LIPA: variants seen among roughly 807,000 people sequenced by gnomAD.
LIPA encodes the protein lysosomal acid lipase/cholesteryl ester hydrolase.
Under a neutral mutation model 40.6 loss-of-function variants are expected in LIPA, and 26 were observed. The observed-to-expected ratio is 0.64, with a 90% CI of 0.47 to 0.89. The LOEUF is 0.89. Among genes scored for constraint, LIPA ranks in the 40% least tolerant of loss-of-function variants. The pLI is 0.00. For missense variants in LIPA, 455 were observed against 479.6 expected (o/e 0.95, Z 0.48); for synonymous variants, 188 against 168.4 (o/e 1.12, Z -0.90).
intron 1 of LIPA, among the ~76,000 whole-genome samples, chr10:89,301,772 G>A (rs1157946377): frequency 3.3e-5 from 5 of 152,072 alleles, no homozygotes; most frequent in Non-Finnish European, 7.4e-5. Context: ...AATAAGAGAG[G>A]GACAGTGCAC....
intron 2 of LIPA, among the ~76,000 whole-genome samples, chr10:89,408,389 G>C (rs1481932061): frequency 6.6e-6 from 1 of 152,188 alleles, no homozygotes; most frequent in African/African-American, 2.4e-5. Flanking sequence ...ACTATGCAAA[G>C]CTTGCAATTT....
chr10:89,258,603 T>C (rs1022926528), intron 1 of LIPA, among the ~76,000 whole-genome samples: 11 of 152,126 alleles, frequency 7.2e-5, no homozygotes, highest in Non-Finnish European at 1.6e-4. Context: ...CTGCTGGAAA[T>C]GTGAAATGGT....
upstream of LIPA, chr10:89,414,676 AGAG>A (rs985522772): frequency 4.9e-5 from 58 of 1,188,386 alleles, 1 homozygote; most frequent in African/African-American, 8.7e-4. Flanking sequence ...CAGGGGCTGC[AGAG>A]GCCTGGCGCG....
chr10:89,248,471 T>A (rs1233376151), intron 1 of LIPA, among the ~76,000 whole-genome samples: 3 of 125,992 alleles, frequency 2.4e-5, no homozygotes, highest in Non-Finnish European at 4.8e-5. Context: ...TTTATTTATT[T>A]ATTTATTTAT....
chr10:89,292,374 A>G (rs1843379582), intron 1 of LIPA: 1 of 152,232 alleles, frequency 6.6e-6, no homozygotes, highest in Non-Finnish European at 1.5e-5. Flanking sequence ...CAAAGCGAAT[A>G]AAAAGAAAAA....
intron 2 of LIPA, among the ~76,000 whole-genome samples, chr10:89,369,919 G>A (rs1036229896): frequency 2.0e-5 from 3 of 152,230 alleles, no homozygotes; most frequent in Admixed American, 6.5e-5. Context: ...AATGTAGGAA[G>A]TTTCTTAATG....
intron 8 of LIPA, among the ~76,000 whole-genome samples, chr10:89,218,893 C>G (rs1842661924): frequency 2.0e-5 from 3 of 152,122 alleles, no homozygotes; most frequent in South Asian, 4.1e-4. Flanking sequence ...TTGTATCTAA[C>G]AAATATAATG....
Position 89,248,469 on chromosome 10 carries a change from T to C in LIPA, c.-1-820A>G, listed in dbSNP as rs190070810. 2.0e-3 allele frequency among the ~76,000 whole-genome samples: 231 copies of C among 117,914 alleles called. 1 individual carries two copies. The highest frequency in any genetic ancestry group is 8.8e-3 in the African/African-American group (208 of 23,584). 77.4% of individuals were successfully genotyped at this position (117,914 alleles called of 152,430 possible). On this transcript the variant is annotated intron_variant, in intron 1 of 9. Coordinates refer to ENST00000336233, the MANE Select transcript of LIPA (RefSeq NM_000235.4). ...ATTTATTTATTTATTTATTTATTTA[T>C]TTATTTATTTATTTATTTATTTTGA...
chr10:89,252,190 T>C (rs1411050324), upstream of LIPA: 3 of 152,266 alleles, frequency 2.0e-5, no homozygotes, highest in Non-Finnish European at 4.4e-5. Context: ...GGGCTCCATT[T>C]AAAGCGCTTA....
intron 1 of LIPA, chr10:89,340,921 A>T (rs535864512): frequency 6.6e-6 from 1 of 152,268 alleles, no homozygotes; most frequent in African/African-American, 2.4e-5. Context: ...ATCAATGTGT[A>T]TTCCTGATAG....
chr10:89,271,759 TGGTAAAA>T (rs1203326798), intron 1 of LIPA, among the ~76,000 whole-genome samples: 2 of 151,960 alleles, frequency 1.3e-5, no homozygotes, highest in East Asian at 3.9e-4. Context: ...ATGGAACAGG[TGGTAAAA>T]GAAGGAAGTC....
Position 89,393,716 on chromosome 10 carries a change from C to T in LIPA, c.61+19075G>A, listed in dbSNP as rs982407551. Among the ~76,000 whole-genome samples, 5 of 152,078 alleles carry T rather than the reference C, an allele frequency of 3.3e-5. No individual in the cohort carries two copies. In the South Asian group the frequency reaches 8.3e-4, roughly 25 times the overall value. ...CTGCACTCCAGCCTGGGCAACAGAG[C>T]GAGACTCCGTCTCAAAAACAAACAA... On this transcript the variant is annotated intron_variant, in intron 2 of 8. Transcript: ENST00000371837.
In LIPA at chr10:89,223,577, C is replaced by A. The variant is rs1310883161; in HGVS notation, c.822+107G>T. 4 of 966,940 alleles carry A rather than the reference C, an allele frequency of 4.1e-6. No homozygotes were observed. The Admixed American group carries it at 7.5e-5, about 18-fold the overall frequency. The allele number at this position is 966,940 out of a possible 1,614,324, so 59.9% of individuals were successfully genotyped here. A position where few individuals can be genotyped will look rare whatever the true frequency, so the allele number is the denominator to read the frequency against. The stretch of plus-strand genomic sequence containing the variant: ...GCTTGTGCCTCTCAAATGAAAGACT[C>A]TTTAGAGTTCTGATGAGGTCATTCC... On this transcript the variant is annotated intron_variant, in intron 7 of 9. Transcript: ENST00000336233.
chr10:89,268,658 T>C (rs1843249507), intron 1 of LIPA, among the ~76,000 whole-genome samples: 1 of 152,214 alleles, frequency 6.6e-6, no homozygotes, highest in African/African-American at 2.4e-5. Flanking sequence ...AATGGTTGCA[T>C]GTATTATTTT....
rs184940232 is a variant in LIPA at position 89,236,385 on chromosome 10, G to A, written c.230-7987C>T. Reference sequence around the variant, plus strand: ...TTCTCATGACACTAATCATCTCCACGTAAGCAGTTTCTCCAGTAAATTGCA... The same window carrying A: ...TTCTCATGACACTAATCATCTCCACATAAGCAGTTTCTCCAGTAAATTGCA... On this transcript the variant is annotated intron_variant, in intron 3 of 9. Transcript: ENST00000336233. 1.3e-4 allele frequency among the ~76,000 whole-genome samples: 20 copies of A among 152,160 alleles called. No individual in the cohort carries two copies. In the East Asian group the frequency reaches 3.7e-3, roughly 28 times the overall value.
At chr10:89,250,107 C>CTCTTTTTTTTT (rs1843096288) in intron 1 of LIPA, among the ~76,000 whole-genome samples, 1 of 96,076 alleles carries the variant, frequency 1.0e-5, no homozygotes, top group African/African-American at 4.6e-5. Context: ...TCTTTTCTTT[C>CTCTTTTTTTTT]TTTTTTTTTT....
At chr10:89,232,412 A>G (rs1842853039) in intron 3 of LIPA, among the ~76,000 whole-genome samples, 1 of 152,186 alleles carries the variant, frequency 6.6e-6, no homozygotes, top group East Asian at 1.9e-4. Context: ...AACAAAAACG[A>G]CTGCAATCGT....
intron 2 of LIPA, among the ~76,000 whole-genome samples, chr10:89,398,402 A>G (rs1238263996): frequency 1.3e-5 from 2 of 152,184 alleles, no homozygotes. Flanking sequence ...GCCTGCACTG[A>G]ATAAAAGTAA....
intron 2 of LIPA, among the ~76,000 whole-genome samples, chr10:89,396,373 G>A (rs756511185): frequency 1.3e-5 from 2 of 152,182 alleles, no homozygotes; most frequent in Non-Finnish European, 2.9e-5. Flanking sequence ...AAGAAGTATG[G>A]TGCTGGCATC....
Sources: allele counts gnomAD v4.1 joint callset (sites outside exome capture counted in the v4.1 genomes callset), GRCh38; gene constraint gnomAD v4.1.1; transcripts MANE v1.5; gene names NCBI Gene and HGNC (gene_info 2026-07-23, HGNC 2026-07-21).